PCNX1: variants seen among roughly 807,000 people sequenced by gnomAD.
PCNX1 encodes the protein pecanex 1, also known as pecanex-like protein 1.
Under a neutral mutation model 242.2 loss-of-function variants are expected in PCNX1, and 78 were observed. The ratio of observed to expected loss-of-function variants is 0.32; its 90% CI spans 0.27 to 0.39. The LOEUF (loss-of-function observed/expected upper bound fraction) is 0.39. PCNX1 is among the 10% of genes least tolerant of loss of function. The pLI, the probability that PCNX1 is intolerant of heterozygous loss-of-function variation, is 1.00. For synonymous variants in PCNX1, 1,024 were observed against 1,032.9 expected (o/e 0.99, Z 0.17); for missense variants, 2,581 against 2,856.5 (o/e 0.90, Z 2.20).
At chr14:70,909,927 A>G (rs2055748615) in intron 1 of PCNX1, among the ~76,000 whole-genome samples, 1 of 152,088 alleles carries the variant, frequency 6.6e-6, no homozygotes, top group East Asian at 1.9e-4. Context: ...TCCAAAGTTC[A>G]GTACATGCGG....
intron 8 of PCNX1, among the ~76,000 whole-genome samples, chr14:71,000,320 C>T (rs1198141487): frequency 6.6e-6 from 1 of 152,166 alleles, no homozygotes; most frequent in South Asian, 2.1e-4. Flanking sequence ...AAAATTAAGT[C>T]ATCTACAATC....
chr14:71,050,330 T>A (rs2060990810), intron 22 of PCNX1, among the ~76,000 whole-genome samples: 1 of 152,174 alleles, frequency 6.6e-6, no homozygotes, highest in Non-Finnish European at 1.5e-5. Context: ...AACAGTTATT[T>A]GGCTGCTTTC....
At chr14:71,026,311 T>G in intron 14 of PCNX1, 23 bp downstream of exon 14, 13 of 1,409,650 alleles carry the variant, frequency 9.2e-6, no homozygotes, top group Non-Finnish European at 1.3e-5. Flanking sequence ...AAAGTATCTC[T>G]AATCTTAAAA....
At chr14:71,032,241 CAT>C (rs948128360) in intron 16 of PCNX1, among the ~76,000 whole-genome samples, 1 of 152,178 alleles carries the variant, frequency 6.6e-6, no homozygotes, top group African/African-American at 2.4e-5. Flanking sequence ...GCTCTTCCTT[CAT>C]ATCTTTTGTT....
intron 1 of PCNX1, among the ~76,000 whole-genome samples, chr14:70,933,195 G>A (rs2056870668): frequency 6.6e-6 from 1 of 152,160 alleles, no homozygotes; most frequent in Admixed American, 6.5e-5. Context: ...AGCAATTACT[G>A]GCCTATGTTT....
intron 1 of PCNX1, among the ~76,000 whole-genome samples, chr14:70,922,537 A>G (rs2056417974): frequency 6.6e-6 from 1 of 152,118 alleles, no homozygotes; most frequent in South Asian, 2.1e-4. Context: ...CATCCACGCT[A>G]CCAGTTCACA....
intron 1 of PCNX1, among the ~76,000 whole-genome samples, chr14:70,923,844 C>G (rs1193985111): frequency 6.6e-6 from 1 of 152,088 alleles, no homozygotes; most frequent in East Asian, 1.9e-4. Context: ...ATAATTTGCA[C>G]AGTCATTTCA....
chr14:71,020,543 T>C (rs2060073121), intron 12 of PCNX1, among the ~76,000 whole-genome samples: 1 of 152,216 alleles, frequency 6.6e-6, no homozygotes, highest in South Asian at 2.1e-4. Flanking sequence ...AATGATGAGC[T>C]TTTTTTCATG....
At chr14:70,936,015 GT>G (rs1566586961) in intron 1 of PCNX1, among the ~76,000 whole-genome samples, 1 of 152,172 alleles carries the variant, frequency 6.6e-6, no homozygotes, top group Non-Finnish European at 1.5e-5. Context: ...AGTTTGTGTT[GT>G]GTGTTTGAGA....
chr14:70,910,578 A>G (rs2526878), intron 1 of PCNX1, among the ~76,000 whole-genome samples: 96,325 of 152,000 alleles, frequency 0.63, 30,793 homozygotes, highest in South Asian at 0.72. Context: ...GCAGGTTCTC[A>G]TATACGTGAG....
In PCNX1 at chr14:70,978,188, T is replaced by C; in HGVS notation, c.1851T>C (p.Ala617=). 1.2e-6 allele frequency: 2 copies of C among 1,614,174 alleles called. No individual in the cohort carries two copies. Among genetic ancestry groups the C allele is most frequent in the East Asian group, 2.2e-5 (1 of 44,884 alleles). ...GTAGAGCATCAAGTGTTCAGTCTGC[T>C]CACCAGTTCAGCAGTGATAGCTCTT... ...DLSRASSVQS[A]HQFSSDSSSS... Residue 617 remains alanine, a synonymous_variant, in exon 6 of 36, where the codon GCT becomes GCC. Transcript: ENST00000304743.
intron 20 of PCNX1, among the ~76,000 whole-genome samples, chr14:71,046,067 A>G (rs763023978): frequency 2.0e-5 from 3 of 152,074 alleles, no homozygotes; most frequent in Non-Finnish European, 2.9e-5. Flanking sequence ...TTAGCTAATT[A>G]CTGTAGAGTA....
chr14:71,064,345 G>A (rs1302698264), intron 26 of PCNX1, among the ~76,000 whole-genome samples: 1 of 152,072 alleles, frequency 6.6e-6, no homozygotes, highest in African/African-American at 2.4e-5. Flanking sequence ...AATAGTCATG[G>A]GATTAGAATG....
At chr14:71,037,690 C>G (rs1595337772) in intron 19 of PCNX1, among the ~76,000 whole-genome samples, 1 of 151,888 alleles carries the variant, frequency 6.6e-6, no homozygotes, top group Admixed American at 6.6e-5. Context: ...ATTCGGTTTG[C>G]CAGTATTTTA....
intron 1 of PCNX1, among the ~76,000 whole-genome samples, chr14:70,941,773 C>A (rs1334559411): frequency 1.3e-5 from 2 of 152,204 alleles, no homozygotes; most frequent in Non-Finnish European, 2.9e-5. Flanking sequence ...CTGCGGTGAG[C>A]TTCACCCAGT....
intron 30 of PCNX1, among the ~76,000 whole-genome samples, chr14:71,096,981 T>G (rs2062304773): frequency 6.6e-6 from 1 of 152,160 alleles, no homozygotes; most frequent in African/African-American, 2.4e-5. Flanking sequence ...CAGAGAAGGA[T>G]GTACCTCCCT....
chr14:70,978,067 A>C lies in PCNX1; in HGVS notation c.1730A>C (p.His577Pro). ...KRASSFDSSR[H>P]RDYVCFRGVS... The stretch of plus-strand genomic sequence containing the variant: ...GCTAGCAGTTTTGATTCAAGCCGGC[A>C]TAGGGACTATGTTTGCTTTCGAGGT... The change falls in exon 6 of 36, where the codon CAT becomes CCT. Residue 577 changes from histidine (H) to proline (P), a missense_variant. Physicochemically the swap from His to Pro is moderately conservative, Grantham distance 77. Transcript: ENST00000304743. 6.2e-7 allele frequency: 1 copy of C among 1,614,166 alleles called. No homozygotes were observed. The highest frequency in any genetic ancestry group is 8.5e-7 in the Non-Finnish European group (1 of 1,180,034).
intron 7 of PCNX1, among the ~76,000 whole-genome samples, chr14:70,993,207 G>A (rs2059220663): frequency 6.7e-6 from 1 of 150,196 alleles, no homozygotes; most frequent in Non-Finnish European, 1.5e-5. Context: ...TGCAAGCTCC[G>A]CCTCCCGGGT....
chr14:71,013,256 A>C, intron 11 of PCNX1, 54 bp downstream of exon 11: 1 of 1,349,160 alleles, frequency 7.4e-7, no homozygotes, highest in Non-Finnish European at 1.1e-6. Context: ...TTTAAGATGA[A>C]GTGTCTTTAA....
Sources: gnomAD v4.1 joint callset for allele counts (sites outside exome capture counted in the v4.1 genomes callset) on GRCh38, gnomAD v4.1.1 for gene constraint, MANE v1.5 for transcripts, NCBI Gene and HGNC (gene_info 2026-07-23, HGNC 2026-07-21) for gene names.